The following SHISA6 variants were observed in gnomAD, a reference collection of about 807,000 sequenced individuals.
SHISA6 encodes shisa family member 6.
Under a neutral mutation model 47.9 loss-of-function variants are expected in SHISA6, and 22 were observed. The ratio of observed to expected loss-of-function variants is 0.46; its 90% CI spans 0.33 to 0.66. The LOEUF is 0.66. SHISA6 is among the 30% of genes least tolerant of loss of function. The pLI, the probability that SHISA6 is intolerant of heterozygous loss-of-function variation, is 0.02. For missense variants in SHISA6, 680 were observed against 764.6 expected, an observed-to-expected ratio of 0.89 and a Z score of 1.30; for synonymous variants, 388 against 337.8, an observed-to-expected ratio of 1.15 and a Z score of -1.63.
intron 1 of SHISA6, among the ~76,000 whole-genome samples, chr17:11,242,334 C>A (rs1907400834): frequency 6.6e-6 from 1 of 152,190 alleles, no homozygotes; most frequent in Non-Finnish European, 1.5e-5. Context: ...AAGAATGTTA[C>A]AAATTCTGTA....
chr17:11,471,101 C>A (rs188163689), intron 3 of SHISA6, among the ~76,000 whole-genome samples: 1 of 150,764 alleles, frequency 6.6e-6, no homozygotes, highest in Non-Finnish European at 1.5e-5. Flanking sequence ...CCCAGCTACT[C>A]GGGAGGCTGA....
At chr17:11,492,269 G>T (rs1370949409) in intron 3 of SHISA6, among the ~76,000 whole-genome samples, 3 of 152,148 alleles carry the variant, frequency 2.0e-5, no homozygotes, top group Non-Finnish European at 2.9e-5. Context: ...CAGCCTCTTA[G>T]TGTTCAATCT....
intron 3 of SHISA6, among the ~76,000 whole-genome samples, chr17:11,518,913 G>A (rs542682625): frequency 7.4e-4 from 112 of 152,244 alleles, no homozygotes; most frequent in African/African-American, 2.5e-3. Flanking sequence ...CTTCACTGAG[G>A]AAATTGAAGC....
intron 2 of SHISA6, among the ~76,000 whole-genome samples, chr17:11,300,189 A>G (rs182684432): frequency 2.6e-4 from 39 of 151,986 alleles, no homozygotes; most frequent in Non-Finnish European, 4.9e-4. Context: ...AAAGAAAAAA[A>G]GAAAGGCAAC....
At chr17:11,505,497 G>A (rs2142350492) in intron 3 of SHISA6, among the ~76,000 whole-genome samples, 1 of 152,254 alleles carries the variant, frequency 6.6e-6, no homozygotes, top group Middle Eastern at 3.4e-3. Flanking sequence ...CTTAAGTCTG[G>A]CTACTGTAAA....
In SHISA6 at chr17:11,241,323, C is replaced by A; in HGVS notation, c.-100C>A. ...CGCCCCGGAGCCGCTGACCGCTCAGCGCCTCCAGCCCGGCCCGCGCGGCGG... is the reference window on the plus strand; with the variant it reads ...CGCCCCGGAGCCGCTGACCGCTCAGAGCCTCCAGCCCGGCCCGCGCGGCGG... On this transcript the variant is annotated 5_prime_UTR_variant, in exon 1 of 6. Coordinates refer to ENST00000441885, the MANE Select transcript of SHISA6 (RefSeq NM_207386.4). This position sits in a 1 kb window ranked among gnomAD's most constrained non-coding sequence, Gnocchi z 5.5. The A allele has an allele frequency of 1.3e-6, 1 of 744,368 alleles. No homozygotes were observed. Among genetic ancestry groups the A allele is most frequent in the Non-Finnish European group, 1.6e-6 (1 of 609,520 alleles). 46.1% of individuals were successfully genotyped at this position (744,368 alleles called of 1,614,324 possible).
intron 3 of SHISA6, among the ~76,000 whole-genome samples, chr17:11,400,988 A>C (rs1284351604): frequency 6.6e-6 from 1 of 151,944 alleles, no homozygotes; most frequent in African/African-American, 2.4e-5. Flanking sequence ...TAGTCTTTAA[A>C]CTGTTTGTTG....
chr17:11,348,241 G>C (rs1335182977), intron 2 of SHISA6, among the ~76,000 whole-genome samples: 2 of 152,086 alleles, frequency 1.3e-5, no homozygotes, highest in African/African-American at 4.8e-5. Flanking sequence ...CTATTTATGG[G>C]ACCAAAAAGA....
At chr17:11,272,855 G>A (rs563985568) in intron 2 of SHISA6, among the ~76,000 whole-genome samples, 27 of 152,338 alleles carry the variant, frequency 1.8e-4, no homozygotes, top group African/African-American at 5.8e-4. Flanking sequence ...TCTGGAAACA[G>A]CTATGTCTTT....
chr17:11,288,654 A>T (rs1352344999), intron 2 of SHISA6: 1 of 152,186 alleles, frequency 6.6e-6, no homozygotes, highest in Admixed American at 6.5e-5. Context: ...TTAGAATAAG[A>T]TTCTACTTTA....
intron 3 of SHISA6, among the ~76,000 whole-genome samples, chr17:11,490,446 G>A (rs751570824): frequency 6.6e-6 from 1 of 152,166 alleles, no homozygotes; most frequent in Non-Finnish European, 1.5e-5. Flanking sequence ...GGAATGAGAA[G>A]AGCATTCCAG....
intron 2 of SHISA6, among the ~76,000 whole-genome samples, chr17:11,351,397 C>T (rs1911885691): frequency 6.6e-6 from 1 of 152,142 alleles, no homozygotes; most frequent in Admixed American, 6.5e-5. Flanking sequence ...TCTCTGAAAA[C>T]AATTATCTAC....
intron 3 of SHISA6, among the ~76,000 whole-genome samples, chr17:11,479,857 A>C (rs1224022669): frequency 6.6e-6 from 1 of 151,894 alleles, no homozygotes; most frequent in African/African-American, 2.4e-5. Context: ...TTTTTATTTT[A>C]TCTTCACTTA....
intron 2 of SHISA6, among the ~76,000 whole-genome samples, chr17:11,362,471 G>T (rs766771659): frequency 1.3e-5 from 2 of 152,098 alleles, no homozygotes; most frequent in African/African-American, 4.8e-5. Flanking sequence ...AATCTCTGTC[G>T]ACCTGCTTTC....
intron 2 of SHISA6, among the ~76,000 whole-genome samples, chr17:11,325,019 CT>C (rs1910830836): frequency 6.6e-6 from 1 of 152,156 alleles, no homozygotes. Flanking sequence ...GACATCCTAG[CT>C]TCTGGCTCCA....
rs554421564 is a variant in SHISA6 at position 11,505,938 on chromosome 17, T to G, written c.896-45958T>G. ...GATGCGTATTGGAATAGCAGTAGAA[T>G]GAGGAAAGAAGAGGGTGGGGGAGTA... On this transcript the variant is annotated intron_variant, in intron 3 of 5. Coordinates refer to ENST00000441885, the MANE Select transcript of SHISA6 (RefSeq NM_207386.4). Among the ~76,000 whole-genome samples, 38 of 152,228 alleles carry G rather than the reference T, an allele frequency of 2.5e-4. 1 individual carries two copies. The South Asian group carries it at 5.6e-3, about 22-fold the overall frequency.
At chr17:11,524,749 T>G (rs988340729) in intron 3 of SHISA6, among the ~76,000 whole-genome samples, 1 of 152,216 alleles carries the variant, frequency 6.6e-6, no homozygotes, top group African/African-American at 2.4e-5. Flanking sequence ...TCCACCCGCC[T>G]TGGCCTCCCA....
At chr17:11,347,573 G>A (rs904714488) in intron 2 of SHISA6, among the ~76,000 whole-genome samples, 2 of 152,078 alleles carry the variant, frequency 1.3e-5, no homozygotes, top group Non-Finnish European at 2.9e-5. Context: ...ATGAGGAAAC[G>A]GTGGCTTAGA....
chr17:11,320,639 C>A (rs1006802168), intron 2 of SHISA6, among the ~76,000 whole-genome samples: 100 of 138,416 alleles, frequency 7.2e-4, no homozygotes, highest in African/African-American at 2.7e-3. Flanking sequence ...GCCTGGGCAA[C>A]AAGAGCGAAA....
Sources: allele counts gnomAD v4.1 joint callset (sites outside exome capture counted in the v4.1 genomes callset), GRCh38; gene constraint gnomAD v4.1.1; non-coding constraint Gnocchi (gnomAD v3.1); transcripts MANE v1.5; gene names NCBI Gene and HGNC (gene_info 2026-07-23, HGNC 2026-07-21).